Variants in LRBA observed in about 807,000 individuals in gnomAD.
The protein encoded by LRBA is lipopolysaccharide-responsive and beige-like anchor protein.
Under a neutral mutation model 330.0 loss-of-function variants are expected in LRBA, and 176 were observed. The observed-to-expected ratio is 0.53, with a 90% CI of 0.47 to 0.60. The LOEUF (loss-of-function observed/expected upper bound fraction) is 0.60. Ranked by LOEUF, LRBA falls within the 20% of genes least tolerant of loss-of-function variation. LRBA has a pLI of 0.00. For synonymous variants in LRBA, 1,230 were observed against 1,193.0 expected, an observed-to-expected ratio of 1.03 and a Z score of -0.64; for missense variants, 3,259 against 3,444.8, an observed-to-expected ratio of 0.95 and a Z score of 1.35.
chr4:150,541,756 C>A (rs1442813213), intron 40 of LRBA, among the ~76,000 whole-genome samples: 1 of 152,078 alleles, frequency 6.6e-6, no homozygotes, highest in Admixed American at 6.5e-5. Context: ...CTTCCTTGAA[C>A]CTCATAGCTC....
intron 40 of LRBA, among the ~76,000 whole-genome samples, chr4:150,513,393 G>T (rs919867208): frequency 3.3e-5 from 5 of 152,156 alleles, no homozygotes; most frequent in African/African-American, 1.2e-4. Context: ...AGATCTTACT[G>T]CCCATTGTAA....
intron 22 of LRBA, among the ~76,000 whole-genome samples, chr4:150,866,135 A>G (rs879719253): frequency 3.3e-5 from 5 of 152,232 alleles, no homozygotes; most frequent in Non-Finnish European, 5.9e-5. Context: ...TATTCCTTCT[A>G]GTCAATTTTT....
chr4:150,680,580 C>CTA (rs1782964719), intron 37 of LRBA, among the ~76,000 whole-genome samples: 2 of 152,208 alleles, frequency 1.3e-5, no homozygotes, highest in Admixed American at 6.5e-5. Flanking sequence ...AGTCTACCAA[C>CTA]TATAACATGT....
intron 40 of LRBA, among the ~76,000 whole-genome samples, chr4:150,565,282 G>A (rs1161386862): frequency 6.6e-6 from 1 of 152,114 alleles, no homozygotes; most frequent in Non-Finnish European, 1.5e-5. Context: ...TAATAAGTGG[G>A]AATTGAACTA....
intron 36 of LRBA, among the ~76,000 whole-genome samples, chr4:150,711,331 G>A (rs774989536): frequency 2.0e-5 from 3 of 151,752 alleles, no homozygotes; most frequent in Non-Finnish European, 2.9e-5. Flanking sequence ...CACCTCCCAG[G>A]TTCAAACAAT....
chr4:150,277,258 G>A (rs778287029), intron 56 of LRBA, among the ~76,000 whole-genome samples: 2 of 151,140 alleles, frequency 1.3e-5, no homozygotes, highest in Non-Finnish European at 2.9e-5. Context: ...CATCACATAC[G>A]GGGGCCTGTT....
intron 40 of LRBA, among the ~76,000 whole-genome samples, chr4:150,551,962 G>T (rs991163638): frequency 1.3e-5 from 2 of 152,058 alleles, no homozygotes; most frequent in Non-Finnish European, 2.9e-5. Context: ...TGGGGTGGGG[G>T]GTAGGAGGTA....
chr4:150,875,605 G>A (rs1272171116), intron 17 of LRBA, among the ~76,000 whole-genome samples: 6 of 152,108 alleles, frequency 3.9e-5, no homozygotes, highest in Admixed American at 6.5e-5. Context: ...ACCTGCTGAC[G>A]GAAGTGTATA....
chr4:150,630,109 CCTT>C (rs1777232062), intron 37 of LRBA, among the ~76,000 whole-genome samples: 1 of 152,204 alleles, frequency 6.6e-6, no homozygotes, highest in Admixed American at 6.5e-5. Context: ...CCCTCCCTCT[CCTT>C]AAGCTTCTTA....
At chr4:150,601,367 T>C (rs896334311) in intron 37 of LRBA, among the ~76,000 whole-genome samples, 2 of 152,142 alleles carry the variant, frequency 1.3e-5, no homozygotes, top group Non-Finnish European at 2.9e-5. Flanking sequence ...TCAAATTCAA[T>C]GGCTATTAAG....
intron 40 of LRBA, chr4:150,579,520 C>G (rs774623899): frequency 3.8e-5 from 15 of 399,588 alleles, no homozygotes; most frequent in Non-Finnish European, 6.5e-5. Context: ...GAGCATCTAC[C>G]TAAGACAGGG....
At chr4:150,372,570 A>G (rs1740520886) in intron 47 of LRBA, among the ~76,000 whole-genome samples, 1 of 150,130 alleles carries the variant, frequency 6.7e-6, no homozygotes, top group African/African-American at 2.4e-5. Context: ...CAAAAAAAAA[A>G]AAAAAAAGGA....
At chr4:150,753,740 A>AT (rs1285863455) in intron 35 of LRBA, among the ~76,000 whole-genome samples, 3 of 152,072 alleles carry the variant, frequency 2.0e-5, no homozygotes, top group African/African-American at 4.8e-5. Flanking sequence ...ACGCAGCACC[A>AT]TTTTTTTACA....
intron 37 of LRBA, among the ~76,000 whole-genome samples, chr4:150,604,791 T>A (rs1774463436): frequency 6.6e-6 from 1 of 152,166 alleles, no homozygotes. Context: ...ATACTACCTT[T>A]ACCCACACAT....
At chr4:150,977,630 A>G (rs1355835446) in intron 2 of LRBA, among the ~76,000 whole-genome samples, 1 of 152,196 alleles carries the variant, frequency 6.6e-6, no homozygotes, top group Non-Finnish European at 1.5e-5. Context: ...GCTCTTGGAC[A>G]GCATTTCTGG....
intron 46 of LRBA, among the ~76,000 whole-genome samples, chr4:150,428,816 C>T (rs1749982002): frequency 6.6e-6 from 1 of 152,114 alleles, no homozygotes; most frequent in South Asian, 2.1e-4. Context: ...TTCAGAATCT[C>T]TGTTTCTATG....
intron 36 of LRBA, among the ~76,000 whole-genome samples, chr4:150,714,574 T>C (rs966659874): frequency 1.2e-4 from 19 of 152,124 alleles, no homozygotes; most frequent in South Asian, 2.1e-4. Flanking sequence ...AAGAAATCTA[T>C]TGTACAACAT....
chr4:150,351,662 C>T (rs1323610425), intron 47 of LRBA, among the ~76,000 whole-genome samples: 1 of 152,144 alleles, frequency 6.6e-6, no homozygotes, highest in Non-Finnish European at 1.5e-5. Context: ...GCACTCCAGC[C>T]TGGGTGACAG....
intron 48 of LRBA, among the ~76,000 whole-genome samples, chr4:150,335,308 A>G (rs986802379): frequency 2.0e-5 from 3 of 151,894 alleles, no homozygotes; most frequent in African/African-American, 7.2e-5. Context: ...CATAGAAACT[A>G]GTTCATAATA....
Sources: allele counts gnomAD v4.1 joint callset (sites outside exome capture counted in the v4.1 genomes callset), GRCh38; gene constraint gnomAD v4.1.1; transcripts MANE v1.5; gene names NCBI Gene and HGNC (gene_info 2026-07-23, HGNC 2026-07-21).